The following PACRG variants were observed in gnomAD, a reference collection of about 807,000 sequenced individuals.
PACRG encodes the protein parkin coregulated gene protein.
PACRG carries 29 observed loss-of-function variants against 29.7 expected under a neutral mutation model. The ratio of observed to expected loss-of-function variants is 0.98; its 90% CI spans 0.73 to 1.33. The LOEUF (loss-of-function observed/expected upper bound fraction) is 1.33. PACRG is among the 40% of genes most tolerant of loss of function. The probability of loss-of-function intolerance (pLI) is 0.00; values close to 1 mark genes in which losing one functional copy is unlikely to be tolerated. For missense variants in PACRG, 279 were observed against 316.2 expected, an observed-to-expected ratio of 0.88 and a Z score of 0.89; for synonymous variants, 116 against 118.7, an observed-to-expected ratio of 0.98 and a Z score of 0.15.
chr6:163,218,468 A>T (rs977228107), intron 4 of PACRG, among the ~76,000 whole-genome samples: 9 of 152,144 alleles, frequency 5.9e-5, no homozygotes, highest in African/African-American at 2.2e-4. Context: ...TCCAAGGGCT[A>T]TGAGTGCTTT....
intron 1 of PACRG, among the ~76,000 whole-genome samples, chr6:162,779,446 A>G (rs908561603): frequency 2.6e-5 from 4 of 152,206 alleles, no homozygotes; most frequent in African/African-American, 4.8e-5. Flanking sequence ...TCCCATTACA[A>G]TATGGTACAC....
intron 2 of PACRG, among the ~76,000 whole-genome samples, chr6:162,987,108 C>G (rs192954926): frequency 6.6e-6 from 1 of 152,130 alleles, no homozygotes; most frequent in Admixed American, 6.6e-5. Flanking sequence ...TGTCATATTA[C>G]CAGAATGTCT....
chr6:162,920,470 T>C (rs1374121854), intron 2 of PACRG, among the ~76,000 whole-genome samples: 10 of 152,196 alleles, frequency 6.6e-5, no homozygotes, highest in Non-Finnish European at 1.3e-4. Flanking sequence ...TTATGAGAAC[T>C]CTGTGATGGC....
At chr6:163,279,079 GT>G (rs1241322463) in intron 4 of PACRG, among the ~76,000 whole-genome samples, 1 of 152,080 alleles carries the variant, frequency 6.6e-6, no homozygotes, top group Non-Finnish European at 1.5e-5. Context: ...TAAGTATTTA[GT>G]TTTTTCTTTT....
At chr6:162,782,674 G>A (rs1039661404) in intron 1 of PACRG, among the ~76,000 whole-genome samples, 1 of 151,728 alleles carries the variant, frequency 6.6e-6, no homozygotes, top group African/African-American at 2.4e-5. Context: ...TTTGGTTGGG[G>A]AACTTTGCTG....
At chr6:163,185,353 T>C (rs925740386) in intron 4 of PACRG, among the ~76,000 whole-genome samples, 1 of 152,226 alleles carries the variant, frequency 6.6e-6, no homozygotes, top group African/African-American at 2.4e-5. Context: ...GTAATTTCTA[T>C]AACATGGATC....
intron 4 of PACRG, among the ~76,000 whole-genome samples, chr6:163,259,538 C>T (rs896189517): frequency 2.6e-5 from 4 of 152,126 alleles, no homozygotes; most frequent in South Asian, 2.1e-4. Flanking sequence ...GGTGTCCATA[C>T]GGAAGACAGC....
At chr6:162,877,431 G>C (rs776134168) in intron 2 of PACRG, among the ~76,000 whole-genome samples, 8 of 152,066 alleles carry the variant, frequency 5.3e-5, no homozygotes, top group Admixed American at 1.3e-4. Flanking sequence ...ACCAGGGCCT[G>C]TTGGGAGGTT....
At chr6:163,044,170 CTTTT>C (rs368372180) in intron 2 of PACRG, among the ~76,000 whole-genome samples, 1 of 139,972 alleles carries the variant, frequency 7.1e-6, no homozygotes. Flanking sequence ...AAACAGATGA[CTTTT>C]TTTTTTTTTT....
At chr6:163,269,926 GAAAAC>G (rs1298088817) in intron 4 of PACRG, among the ~76,000 whole-genome samples, 2,916 of 33,114 alleles carry the variant, frequency 0.088, 385 homozygotes, top group African/African-American at 0.18. Flanking sequence ...AAGAAAGAAA[GAAAAC>G]AAAGAAAGAA....
chr6:162,909,554 CAAAA>C (rs562001835), intron 2 of PACRG, among the ~76,000 whole-genome samples: 13 of 70,084 alleles, frequency 1.9e-4, no homozygotes, highest in Admixed American at 1.2e-3. Context: ...GACTCCATCT[CAAAA>C]AAAAAAAAAA....
At chr6:163,090,168 CA>C (rs567874900) in intron 4 of PACRG, 9 of 152,206 alleles carry the variant, frequency 5.9e-5, no homozygotes, top group African/African-American at 1.9e-4. Context: ...ATCTGCTCAT[CA>C]TACATTCAAG....
chr6:162,955,092 A>G (rs553697777), intron 2 of PACRG, among the ~76,000 whole-genome samples: 2 of 152,266 alleles, frequency 1.3e-5, no homozygotes, highest in African/African-American at 4.8e-5. Flanking sequence ...AATTATTTTG[A>G]CATTGTCTGT....
At chr6:163,089,183 C>T in intron 3 of PACRG, 76 bp from the exon 4 acceptor site, 1 of 1,468,936 alleles carries the variant, frequency 6.8e-7, no homozygotes. Flanking sequence ...AACCACAAGA[C>T]AACTTTACCT....
In PACRG at chr6:163,315,244, C is replaced by A; in HGVS notation, c.*257C>A. ...GAAGAATTGCTTCTTTATACAGCTC[C>A]GACAGAAGCAGGAGTCCGAGTTAAA... On this transcript the variant is annotated 3_prime_UTR_variant, in exon 5 of 5. Coordinates refer to ENST00000366888, the MANE Select transcript of PACRG (RefSeq NM_001080379.2). 2.9e-6 allele frequency: 1 copy of A among 341,298 alleles called. No individual in the cohort carries two copies. 21.1% of individuals were successfully genotyped at this position (341,298 alleles called of 1,614,324 possible).
intron 2 of PACRG, among the ~76,000 whole-genome samples, chr6:162,987,657 G>C (rs1171671447): frequency 1.3e-5 from 2 of 152,140 alleles, no homozygotes; most frequent in Non-Finnish European, 2.9e-5. Flanking sequence ...GGAACTATGA[G>C]TCCATTAAAC....
At chr6:163,119,079 G>A (rs1816145954) in intron 4 of PACRG, among the ~76,000 whole-genome samples, 1 of 152,194 alleles carries the variant, frequency 6.6e-6, no homozygotes, top group South Asian at 2.1e-4. Context: ...GCATGAGCAG[G>A]AAAATACATC....
intron 4 of PACRG, among the ~76,000 whole-genome samples, chr6:163,283,434 A>G (rs1234364822): frequency 6.6e-6 from 1 of 152,262 alleles, no homozygotes; most frequent in Non-Finnish European, 1.5e-5. Flanking sequence ...TTTGATTAAG[A>G]TTATGTTTTT....
intron 1 of PACRG, among the ~76,000 whole-genome samples, chr6:162,742,967 T>G (rs1780714270): frequency 6.6e-6 from 1 of 152,228 alleles, no homozygotes; most frequent in South Asian, 2.1e-4. Context: ...TTATAGCAGC[T>G]GCACCATTTT....
Sources: allele counts gnomAD v4.1 joint callset (sites outside exome capture counted in the v4.1 genomes callset), GRCh38; gene constraint gnomAD v4.1.1; transcripts MANE v1.5; gene names NCBI Gene and HGNC (gene_info 2026-07-23, HGNC 2026-07-21).